The following ZNF688 variants were observed in gnomAD, a reference collection of about 807,000 sequenced individuals.
The protein encoded by ZNF688 is zinc finger protein 688.
In ZNF688, 10 loss-of-function variants were observed where a neutral mutation model predicts 13.2. The ratio of observed to expected loss-of-function variants is 0.76; its 90% CI spans 0.47 to 1.28. The LOEUF (loss-of-function observed/expected upper bound fraction) is 1.28, where lower values mean the gene tolerates loss of function less well. Among genes scored for constraint, ZNF688 ranks in the 50% most tolerant of loss-of-function variants. ZNF688 has a pLI of 0.00. For synonymous variants in ZNF688, 160 were observed against 159.4 expected (o/e 1.00, Z -0.03); for missense variants, 381 against 391.4 (o/e 0.97, Z 0.22).
chr16:30,577,527 G>A (rs528711691), upstream of ZNF688, among the ~76,000 whole-genome samples: 24 of 150,024 alleles, frequency 1.6e-4, no homozygotes, highest in South Asian at 4.2e-4. Context: ...TTACAGGCAC[G>A]CATCACCACA....
At chr16:30,573,271 A>C (rs1299699157), upstream of ZNF688, among the ~76,000 whole-genome samples, 1 of 150,186 alleles carries the variant, frequency 6.7e-6, no homozygotes, top group Non-Finnish European at 1.5e-5. Flanking sequence ...TCAAATCCTA[A>C]TTTTTTTTTT....
upstream of ZNF688, chr16:30,571,765 A>C (rs976508629): frequency 8.3e-6 from 11 of 1,333,306 alleles, no homozygotes; most frequent in Non-Finnish European, 1.0e-5. Flanking sequence ...GAGGCAACCG[A>C]AGTAGCAGGG....
At chr16:30,572,495 G>A (rs2051702687), upstream of ZNF688, 4 of 423,280 alleles carry the variant, frequency 9.5e-6, no homozygotes, top group Non-Finnish European at 1.6e-5. Flanking sequence ...CTAGACCGAA[G>A]CTGCAGGCGA....
At position 30,570,955 on chromosome 16, in the gene ZNF688, T is replaced by C. The variant is rs538527903; in HGVS notation, c.310+55A>G. 94 of 1,582,188 alleles carry C rather than the reference T, an allele frequency of 5.9e-5. No homozygotes were observed. The African/African-American group carries it at 1.1e-3, about 19-fold the overall frequency. On this transcript the variant is annotated intron_variant, in intron 2 of 2. Coordinates refer to ENST00000223459, the MANE Select transcript of ZNF688 (RefSeq NM_145271.4). ...GAAGTGGGGGCCTGAAAAGAAACTC[T>C]GCTAGACAGGAAGCCCTGGAAAACC...
upstream of ZNF688, chr16:30,573,991 A>C (rs936913775): frequency 4.6e-5 from 11 of 236,972 alleles, no homozygotes; most frequent in African/African-American, 2.6e-4. Context: ...TCACACCTGT[A>C]ATCTCAGCAC....
intron 2 of ZNF688, 138 bp downstream of exon 2, chr16:30,570,872 G>C (rs1429725825): frequency 1.0e-6 from 1 of 968,100 alleles, no homozygotes; most frequent in African/African-American, 1.6e-5. Flanking sequence ...CTTTGTACCA[G>C]GTCTGCCTTC....
At chr16:30,570,834 A>G in intron 2 of ZNF688, 176 bp downstream of exon 2, 1 of 746,588 alleles carries the variant, frequency 1.3e-6, no homozygotes, top group Non-Finnish European at 2.3e-6. Context: ...CCCAGTCCTC[A>G]CAGGACCGCT....
intron 1 of ZNF688, 144 bp from the exon 2 acceptor site, chr16:30,571,267 G>C (rs149693201): frequency 8.2e-5 from 126 of 1,538,342 alleles, no homozygotes; most frequent in Non-Finnish European, 1.1e-4. Context: ...AAATGGATGC[G>C]GGTGAAAACA....
Position 30,570,130 on chromosome 16 carries a change from G to A in ZNF688, c.617C>T (p.Ser206Leu), listed in dbSNP as rs766141637. The A allele has an allele frequency of 6.2e-7, 1 of 1,611,384 alleles. No individual in the cohort carries two copies. The highest frequency in any genetic ancestry group is 2.2e-5 in the East Asian group (1 of 44,846). Residue 206 changes from serine (S) to leucine (L), a missense_variant, in exon 3 of 3, where the codon TCG becomes TTG. Physicochemically the swap from Ser to Leu is moderately radical, Grantham distance 145 (BLOSUM62 -2). Transcript: ENST00000223459. Reference sequence around the variant, plus strand: ...GGGGCAGGGGAAAGGCCGCTCCCCCGAGTGCATGCGCCTGTGGCTGACCAG... The same window carrying A: ...GGGGCAGGGGAAAGGCCGCTCCCCCAAGTGCATGCGCCTGTGGCTGACCAG... ...SLLVSHRRMHSGERPFPCPEC... is the reference protein window; with the variant it reads ...SLLVSHRRMHLGERPFPCPEC...
At chr16:30,572,149 C>G, upstream of ZNF688, 1 of 1,602,828 alleles carries the variant, frequency 6.2e-7, no homozygotes, top group Non-Finnish European at 8.5e-7. Flanking sequence ...ACGCAACGGC[C>G]GATGATTGGC....
the ZNF688 span, chr16:30,579,319 G>A: frequency 1.9e-5 from 3 of 154,658 alleles, no homozygotes; most frequent in African/African-American, 7.2e-5. Flanking sequence ...AGCCAAGCTA[G>A]GAATCCAGGT....
At chr16:30,573,819 TA>T, upstream of ZNF688, 1 of 244,942 alleles carries the variant, frequency 4.1e-6, no homozygotes, top group Non-Finnish European at 8.8e-6. Flanking sequence ...TGTTAATAAT[TA>T]AATATTATTA....
At chr16:30,575,273 T>C (rs1484445742), upstream of ZNF688, among the ~76,000 whole-genome samples, 1 of 147,228 alleles carries the variant, frequency 6.8e-6, no homozygotes, top group African/African-American at 2.5e-5. Context: ...TGAGACGGAG[T>C]TTTGCTTTTG....
rs147838183 is a variant in ZNF688, at chr16:30,570,405, C to T, written c.342G>A (p.Pro114=). The change falls in exon 3 of 3, where the codon CCG becomes CCA. Residue 114 remains proline, a synonymous_variant. Coordinates refer to ENST00000223459, the MANE Select transcript of ZNF688 (RefSeq NM_145271.4). The part of the protein sequence containing the change: ...GDVPNRKEEE[P]EEVPRAKGPR... ...GCCCTTTGGCTCTTGGGACTTCCTC[C>T]GGTTCCTCTTCCTTCCTGTTTGGGA... 129 of 1,613,348 alleles carry T rather than the reference C, an allele frequency of 8.0e-5. No homozygotes were observed. The highest frequency in any genetic ancestry group is 7.0e-5 in the Non-Finnish European group (83 of 1,179,900).
At position 30,569,891 on chromosome 16, in the gene ZNF688, G is replaced by C; in HGVS notation, c.*25C>G. On this transcript the variant is annotated 3_prime_UTR_variant, in exon 3 of 3. Coordinates refer to ENST00000223459, the MANE Select transcript of ZNF688 (RefSeq NM_145271.4). ...CGTCAGTCCTTCGTGCCAAGGTCAG[G>C]CTCAACTCCAGCCTGCGGTGCCGCT... 1.3e-6 allele frequency: 2 copies of C among 1,512,694 alleles called. No homozygotes were observed. The highest frequency in any genetic ancestry group is 1.8e-6 in the Non-Finnish European group (2 of 1,131,448). 93.7% of individuals were successfully genotyped at this position (1,512,694 alleles called of 1,614,324 possible).
At chr16:30,571,997 T>A (rs577123856), upstream of ZNF688, 24 of 1,385,650 alleles carry the variant, frequency 1.7e-5, no homozygotes, top group African/African-American at 3.3e-4. Context: ...GGCCTCATCG[T>A]CCCACTTGCC....
At chr16:30,574,022 A>G (rs1470936652), upstream of ZNF688, 1 of 188,726 alleles carries the variant, frequency 5.3e-6, no homozygotes, top group African/African-American at 2.4e-5. Context: ...TGAGGTGGGC[A>G]GATTGCTTTA....
At position 30,570,836 on chromosome 16, in the gene ZNF688, A is replaced by G; in HGVS notation, c.310+174T>C. On this transcript the variant is annotated intron_variant, in intron 2 of 2. Transcript: ENST00000223459. ...GTTGGACTGGGCTCCCAGTCCTCACAGGACCGCTGTCCCATGTTCTGAAAA... is the reference window on the plus strand; with the variant it reads ...GTTGGACTGGGCTCCCAGTCCTCACGGGACCGCTGTCCCATGTTCTGAAAA... 5.3e-6 allele frequency: 4 copies of G among 752,952 alleles called. No homozygotes were observed. The South Asian group carries it at 6.0e-5, about 11-fold the overall frequency. The allele number at this position is 752,952 out of a possible 1,614,324, so 46.6% of individuals were successfully genotyped here.
upstream of ZNF688, chr16:30,572,210 T>C: frequency 6.2e-7 from 1 of 1,604,752 alleles, no homozygotes; most frequent in South Asian, 1.1e-5. Flanking sequence ...TGGCGGGGCA[T>C]TTGAAGGGAC....
Sources: gnomAD v4.1 joint callset for allele counts (sites outside exome capture counted in the v4.1 genomes callset) on GRCh38, gnomAD v4.1.1 for gene constraint, MANE v1.5 for transcripts, NCBI Gene and HGNC (gene_info 2026-07-23, HGNC 2026-07-21) for gene names.